The following SCHIP1 variants were observed in gnomAD, a reference collection of about 807,000 sequenced individuals.
The protein encoded by SCHIP1 is schwannomin-interacting protein 1.
A neutral mutation model predicts 29.7 loss-of-function variants in SCHIP1; 8 were observed. That is an observed-to-expected ratio of 0.27 (90% CI 0.16 to 0.49). The LOEUF is 0.49. Ranked by LOEUF, SCHIP1 falls within the 20% of genes least tolerant of loss-of-function variation. The pLI, the probability that SCHIP1 is intolerant of heterozygous loss-of-function variation, is 0.99. For missense variants in SCHIP1, 193 were observed against 294.6 expected, an observed-to-expected ratio of 0.66 and a Z score of 2.52; for synonymous variants, 76 against 94.9, an observed-to-expected ratio of 0.80 and a Z score of 1.16.
chr3:159,611,727 T>C, the SCHIP1 span, among the ~76,000 whole-genome samples: 307 of 152,266 alleles, frequency 2.0e-3, 1 homozygote, highest in Non-Finnish European at 3.2e-3. Context: ...CAAAATAGCA[T>C]AGGTAAACCC....
At chr3:159,579,247 A>G in the SCHIP1 span, among the ~76,000 whole-genome samples, 1 of 152,194 alleles carries the variant, frequency 6.6e-6, no homozygotes, top group African/African-American at 2.4e-5. Context: ...TACTGGATTC[A>G]CTTTCTAATG....
chr3:159,646,523 T>A, the SCHIP1 span, among the ~76,000 whole-genome samples: 1 of 152,158 alleles, frequency 6.6e-6, no homozygotes, highest in Admixed American at 6.6e-5. Context: ...CATCGTGGTC[T>A]AAAAGCTTTC....
chr3:159,467,244 T>C, the SCHIP1 span, among the ~76,000 whole-genome samples: 9 of 152,274 alleles, frequency 5.9e-5, no homozygotes, highest in African/African-American at 1.9e-4. Context: ...TGATTGCATA[T>C]ACATATAACA....
the SCHIP1 span, among the ~76,000 whole-genome samples, chr3:159,300,671 C>A: frequency 6.6e-6 from 1 of 152,186 alleles, no homozygotes; most frequent in African/African-American, 2.4e-5. Context: ...CATCTTCAGG[C>A]CTTGCAAAGT....
At chr3:159,589,477 G>T in the SCHIP1 span, among the ~76,000 whole-genome samples, 1 of 152,114 alleles carries the variant, frequency 6.6e-6, no homozygotes, top group Non-Finnish European at 1.5e-5. Context: ...TGATTGCCCT[G>T]GCCAGAACTT....
chr3:159,761,258 G>A, the SCHIP1 span, among the ~76,000 whole-genome samples: 5 of 152,180 alleles, frequency 3.3e-5, no homozygotes, highest in South Asian at 2.1e-4. Context: ...AGGACACAGC[G>A]GCCTAGACTG....
chr3:159,820,057 TG>T, the SCHIP1 span, among the ~76,000 whole-genome samples: 3 of 152,198 alleles, frequency 2.0e-5, no homozygotes, highest in Non-Finnish European at 4.4e-5. Context: ...GGCAGTTTTT[TG>T]GGGGGATCAC....
chr3:159,483,853 C>A, the SCHIP1 span, among the ~76,000 whole-genome samples: 6 of 152,074 alleles, frequency 3.9e-5, no homozygotes, highest in South Asian at 2.1e-4. Context: ...CAGATAGTAA[C>A]CATTATTATT....
the SCHIP1 span, among the ~76,000 whole-genome samples, chr3:159,624,612 G>A: frequency 3.9e-5 from 6 of 152,152 alleles, no homozygotes; most frequent in African/African-American, 1.4e-4. Flanking sequence ...CCCACTTAAC[G>A]AGTGACACCT....
At chr3:159,754,121 C>T in the SCHIP1 span, among the ~76,000 whole-genome samples, 1 of 152,176 alleles carries the variant, frequency 6.6e-6, no homozygotes, top group African/African-American at 2.4e-5. Context: ...CCCTCAGTGC[C>T]TGACACATAG....
the SCHIP1 span, among the ~76,000 whole-genome samples, chr3:159,366,235 A>ACTC: frequency 6.6e-6 from 1 of 152,114 alleles, no homozygotes; most frequent in Admixed American, 6.5e-5. Flanking sequence ...TCTGGTATGA[A>ACTC]CTCAGAGCGA....
intron 3 of SCHIP1, chr3:159,886,639 C>T (rs546061241): frequency 8.2e-6 from 2 of 245,166 alleles, no homozygotes; most frequent in East Asian, 2.3e-4. Flanking sequence ...GCCTATAGTC[C>T]CAGCTACTCA....
the SCHIP1 span, among the ~76,000 whole-genome samples, chr3:159,778,002 T>G: frequency 1.3e-5 from 2 of 152,076 alleles, no homozygotes; most frequent in African/African-American, 2.4e-5. Context: ...TTTTTTTTTT[T>G]GAGATAGAGT....
At chr3:159,340,034 A>G in the SCHIP1 span, among the ~76,000 whole-genome samples, 2 of 152,140 alleles carry the variant, frequency 1.3e-5, no homozygotes, top group African/African-American at 2.4e-5. Flanking sequence ...GTTTTCAATT[A>G]TTAGTTTTTA....
the SCHIP1 span, among the ~76,000 whole-genome samples, chr3:159,603,557 T>A: frequency 2.0e-5 from 3 of 152,140 alleles, no homozygotes; most frequent in Non-Finnish European, 4.4e-5. Context: ...TAACTTTGAA[T>A]GTTTTAAGGA....
the SCHIP1 span, among the ~76,000 whole-genome samples, chr3:159,420,133 T>C: frequency 1.3e-5 from 2 of 152,202 alleles, no homozygotes; most frequent in African/African-American, 4.8e-5. Context: ...GGCATAGATT[T>C]AAAATGTAAT....
chr3:159,804,441 A>G, the SCHIP1 span, among the ~76,000 whole-genome samples: 382 of 152,362 alleles, frequency 2.5e-3, no homozygotes, highest in Non-Finnish European at 4.6e-3. Context: ...AAATTAATAA[A>G]AAGGGCTTCT....
chr3:159,520,008 G>A, the SCHIP1 span, among the ~76,000 whole-genome samples: 16,236 of 150,038 alleles, frequency 0.11, 913 homozygotes, highest in South Asian at 0.13. Flanking sequence ...GACAGGGTGA[G>A]TACAGAGTTA....
At chr3:159,575,846 ATATTTTTCCAC>A in the SCHIP1 span, among the ~76,000 whole-genome samples, 1 of 151,924 alleles carries the variant, frequency 6.6e-6, no homozygotes, top group Admixed American at 6.6e-5. Context: ...TTGATTTCCG[ATATTTTTCCAC>A]TATTTTTCCC....
Sources: allele counts gnomAD v4.1 joint callset (sites outside exome capture counted in the v4.1 genomes callset), GRCh38; gene constraint gnomAD v4.1.1; transcripts MANE v1.5; gene names NCBI Gene and HGNC (gene_info 2026-07-23, HGNC 2026-07-21).